Variants in BAIAP2L1 observed in about 807,000 individuals in gnomAD.
BAIAP2L1 encodes the protein BAR/IMD domain containing adaptor protein 2 like 1, also known as BAR/IMD domain-containing adapter protein 2-like 1.
BAIAP2L1 carries 35 observed loss-of-function variants against 66.3 expected under a neutral mutation model. The ratio of observed to expected loss-of-function variants is 0.53; its 90% CI spans 0.40 to 0.70. The LOEUF is 0.70. Ranked by LOEUF, BAIAP2L1 falls within the 30% of genes least tolerant of loss-of-function variation. The pLI, the probability that BAIAP2L1 is intolerant of heterozygous loss-of-function variation, is 0.00. For missense variants in BAIAP2L1, 622 were observed against 656.9 expected (o/e 0.95, Z 0.58); for synonymous variants, 269 against 248.7 (o/e 1.08, Z -0.77).
At chr7:98,368,124 T>C (rs1802429782) in intron 1 of BAIAP2L1, among the ~76,000 whole-genome samples, 1 of 152,030 alleles carries the variant, frequency 6.6e-6, no homozygotes, top group Admixed American at 6.6e-5. Flanking sequence ...GAATGTTATA[T>C]AAAAGGAATC....
chr7:98,361,703 A>C (rs1802273746), intron 2 of BAIAP2L1, among the ~76,000 whole-genome samples: 1 of 152,174 alleles, frequency 6.6e-6, no homozygotes, highest in Non-Finnish European at 1.5e-5. Flanking sequence ...TGTTTAATTT[A>C]GATGTTTTTC....
At chr7:98,385,950 T>C (rs1584503755) in intron 1 of BAIAP2L1, 9 of 1,470,576 alleles carry the variant, frequency 6.1e-6, no homozygotes, top group Non-Finnish European at 7.5e-6. Flanking sequence ...TTTTTACTTT[T>C]CTAACGAAGA....
rs1242325172 is a variant in BAIAP2L1, at chr7:98,307,774, T to C, written c.1078A>G (p.Ser360Gly). ...GTGATGACATCTCCCTGTGCAAAGCTGAGTAAGGTCTTGTTGGAGCCCGCA... is the reference window on the plus strand; with the variant it reads ...GTGATGACATCTCCCTGTGCAAAGCCGAGTAAGGTCTTGTTGGAGCCCGCA... Reference protein sequence around the residue: ...HTAGSNKTLLSFAQGDVITLL... With the variant: ...HTAGSNKTLLGFAQGDVITLL... The change falls in exon 10 of 14, where the codon AGC becomes GGC. Residue 360 changes from serine to glycine, a missense_variant. Ser to Gly is a moderately conservative substitution (Grantham distance 56, BLOSUM62 0). Coordinates refer to ENST00000005260, the MANE Select transcript of BAIAP2L1 (RefSeq NM_018842.5). 1.9e-6 allele frequency: 3 copies of C among 1,614,156 alleles called. No homozygotes were observed. The highest frequency in any genetic ancestry group is 2.5e-6 in the Non-Finnish European group (3 of 1,180,058).
At chr7:98,365,364 T>C (rs1340014298) in intron 1 of BAIAP2L1, among the ~76,000 whole-genome samples, 1 of 152,214 alleles carries the variant, frequency 6.6e-6, no homozygotes, top group African/African-American at 2.4e-5. Context: ...AGTAGTTTTG[T>C]TCTATAACGC....
chr7:98,385,024 C>T (rs574618503), intron 1 of BAIAP2L1, among the ~76,000 whole-genome samples: 16 of 152,196 alleles, frequency 1.1e-4, no homozygotes, highest in African/African-American at 3.6e-4. Flanking sequence ...AAAATCGCAG[C>T]TGGGTGGGTG....
intron 1 of BAIAP2L1, among the ~76,000 whole-genome samples, chr7:98,377,926 G>A (rs898752850): frequency 4.7e-5 from 7 of 149,406 alleles, no homozygotes; most frequent in Admixed American, 1.3e-4. Flanking sequence ...TCAGGAGTTC[G>A]AGACCAGCCT....
rs368750688 is a variant in BAIAP2L1, at chr7:98,348,136, TAA to T, written c.214+6904_214+6905del. Among the ~76,000 whole-genome samples, 1,313 of 147,386 alleles carry T rather than the reference TAA, an allele frequency of 8.9e-3. 18 individuals carry two copies. Among genetic ancestry groups the T allele is most frequent in the African/African-American group, 0.031 (1,250 of 39,990 alleles). ...ATGTATCCCAGAACTTAAAGTATAA[TAA>T]AAAAAAGAAATGAGAAAAAGAATAA... is the stretch of plus-strand genomic sequence containing the variant. On this transcript the variant is annotated intron_variant, in intron 3 of 13. Coordinates refer to ENST00000005260, the MANE Select transcript of BAIAP2L1 (RefSeq NM_018842.5).
At chr7:98,393,089 A>G (rs1447200158) in intron 1 of BAIAP2L1, among the ~76,000 whole-genome samples, 1 of 120,898 alleles carries the variant, frequency 8.3e-6, no homozygotes, top group Admixed American at 7.9e-5. Context: ...ACACATATAT[A>G]CATATATACG....
chr7:98,342,983 G>A (rs1196254855), intron 3 of BAIAP2L1, among the ~76,000 whole-genome samples: 2 of 151,668 alleles, frequency 1.3e-5, no homozygotes, highest in African/African-American at 2.4e-5. Flanking sequence ...CCTTTATCAC[G>A]TGTGATAAAG....
At chr7:98,330,856 C>T (rs1214913271) in intron 3 of BAIAP2L1, among the ~76,000 whole-genome samples, 1 of 151,908 alleles carries the variant, frequency 6.6e-6, no homozygotes, top group African/African-American at 2.4e-5. Flanking sequence ...GCAAGCAGAT[C>T]TTATGTGGAC....
At chr7:98,306,793 G>T in intron 10 of BAIAP2L1, 1 of 427,370 alleles carries the variant, frequency 2.3e-6, no homozygotes, top group South Asian at 2.4e-5. Context: ...CAGCAGCCTC[G>T]AACTCATGGG....
At chr7:98,312,304 T>G in intron 7 of BAIAP2L1, 40 bp from the exon 8 acceptor site, 1 of 1,563,848 alleles carries the variant, frequency 6.4e-7, no homozygotes. Context: ...CAAAGAAGAT[T>G]GTCTGAAGAG....
intron 5 of BAIAP2L1, among the ~76,000 whole-genome samples, chr7:98,318,209 A>G (rs1801138194): frequency 6.6e-6 from 1 of 152,220 alleles, no homozygotes; most frequent in Admixed American, 6.5e-5. Flanking sequence ...ACCAGAAGCC[A>G]AGTCTCTAAG....
rs1027941470 is a variant in BAIAP2L1 at position 98,355,342 on chromosome 7, G to A, written c.128-214C>T. 7.0e-6 allele frequency: 4 copies of A among 574,166 alleles called. No individual in the cohort carries two copies. The Admixed American group carries it at 1.2e-4, about 17-fold the overall frequency. 35.6% of individuals were successfully genotyped at this position (574,166 alleles called of 1,614,324 possible). A position where few individuals can be genotyped will look rare whatever the true frequency, so the allele number is the denominator to read the frequency against. On this transcript the variant is annotated intron_variant, in intron 2 of 13. Coordinates refer to ENST00000005260, the MANE Select transcript of BAIAP2L1 (RefSeq NM_018842.5). Reference sequence around the variant, plus strand: ...ACAGCCCCATGAGATCCTCGTCTCTGACCAGCCCCGGGGAACCTTCAGCAG... The same window carrying A: ...ACAGCCCCATGAGATCCTCGTCTCTAACCAGCCCCGGGGAACCTTCAGCAG...
Position 98,401,058 on chromosome 7 carries a change from G to A in BAIAP2L1, c.-206C>T. 1 of 401,212 alleles carries A rather than the reference G, an allele frequency of 2.5e-6. No individual in the cohort carries two copies. Among genetic ancestry groups the A allele is most frequent in the Non-Finnish European group, 4.2e-6 (1 of 235,586 alleles). The allele number at this position is 401,212 out of a possible 1,614,324, so 24.9% of individuals were successfully genotyped here. A position where few individuals can be genotyped will look rare whatever the true frequency, so the allele number is the denominator to read the frequency against. On this transcript the variant is annotated 5_prime_UTR_variant, in exon 1 of 14. Transcript: ENST00000005260. ...CAGCGCCGCCCTGGCCTTCTTCGAG[G>A]AGCAGAGGAGAAGCGGCCGGACGCC...
chr7:98,362,258 C>A, intron 2 of BAIAP2L1, 99 bp downstream of exon 2: 2 of 874,044 alleles, frequency 2.3e-6, no homozygotes, highest in East Asian at 2.6e-5. Flanking sequence ...AATTTTTAAC[C>A]ACTTAAAGGT....
chr7:98,328,007 A>G (rs1183631179), intron 3 of BAIAP2L1, among the ~76,000 whole-genome samples: 2 of 151,234 alleles, frequency 1.3e-5, no homozygotes, highest in East Asian at 3.9e-4. Context: ...GCAAGCAGAA[A>G]CCCGAACATT....
intron 1 of BAIAP2L1, chr7:98,385,927 G>A (rs1233887061): frequency 6.9e-7 from 1 of 1,451,094 alleles, no homozygotes; most frequent in African/African-American, 1.4e-5. Context: ...TTCAAACTTG[G>A]GCTTCTTCAG....
At chr7:98,395,499 G>A (rs1285735060) in intron 1 of BAIAP2L1, among the ~76,000 whole-genome samples, 3 of 151,718 alleles carry the variant, frequency 2.0e-5, no homozygotes, top group Non-Finnish European at 4.4e-5. Context: ...ACTGGGAGGT[G>A]GCACGAGGGG....
Sources: gnomAD v4.1 joint callset for allele counts (sites outside exome capture counted in the v4.1 genomes callset) on GRCh38, gnomAD v4.1.1 for gene constraint, MANE v1.5 for transcripts, NCBI Gene and HGNC (gene_info 2026-07-23, HGNC 2026-07-21) for gene names.